The following NPAS3 variants were observed in gnomAD, a reference collection of about 807,000 sequenced individuals.
The protein encoded by NPAS3 is neuronal PAS domain-containing protein 3.
NPAS3 carries 14 observed loss-of-function variants against 73.1 expected under a neutral mutation model. The ratio of observed to expected loss-of-function variants is 0.19; its 90% confidence interval spans 0.13 to 0.30. The LOEUF (loss-of-function observed/expected upper bound fraction) is 0.30. Ranked by LOEUF, NPAS3 falls within the 10% of genes least tolerant of loss-of-function variation. NPAS3 has a pLI of 1.00. For missense variants in NPAS3, 1,096 were observed against 1,250.0 expected (o/e 0.88, Z 1.86); for synonymous variants, 620 against 541.5 (o/e 1.14, Z -2.01).
chr14:33,389,423 C>T lies in NPAS3; in HGVS notation c.468+22155C>T, dbSNP rs2046906157. Among the ~76,000 whole-genome samples, 4 of 152,152 alleles carry T rather than the reference C, an allele frequency of 2.6e-5. No homozygotes were observed. In the South Asian group the frequency reaches 8.3e-4, roughly 31 times the overall value. On this transcript the variant is annotated intron_variant, in intron 4 of 11. Transcript: ENST00000356141. ...TAATTCACTAGTCTTCCTAATCACC[C>T]TCAAAATATTTATGTTATTAGAAAC...
intron 2 of NPAS3, among the ~76,000 whole-genome samples, chr14:33,073,645 A>T (rs2041560993): frequency 6.6e-6 from 1 of 152,238 alleles, no homozygotes; most frequent in Non-Finnish European, 1.5e-5. Flanking sequence ...TACATGACAA[A>T]CAAAAGATGG....
intron 5 of NPAS3, among the ~76,000 whole-genome samples, chr14:33,609,227 G>A (rs975422133): frequency 4.6e-5 from 7 of 152,124 alleles, no homozygotes; most frequent in African/African-American, 1.4e-4. Flanking sequence ...TAATGGTATT[G>A]ACCACATTTA....
chr14:33,739,935 C>T (rs759974217), intron 7 of NPAS3, among the ~76,000 whole-genome samples: 16 of 152,150 alleles, frequency 1.1e-4, no homozygotes, highest in Non-Finnish European at 2.2e-4. Context: ...TCTTACTCAA[C>T]CAGTATGGCC....
At chr14:33,558,959 C>T (rs554430950) in intron 4 of NPAS3, among the ~76,000 whole-genome samples, 11 of 151,598 alleles carry the variant, frequency 7.3e-5, no homozygotes, top group Non-Finnish European at 1.2e-4. Context: ...AAAAGACATG[C>T]GGATGACAGA....
intron 1 of NPAS3, among the ~76,000 whole-genome samples, chr14:33,002,913 C>G (rs1020323481): frequency 7.2e-5 from 11 of 152,200 alleles, no homozygotes; most frequent in African/African-American, 2.4e-4. Context: ...GGGTTTGTGA[C>G]CTTGGGCAAG....
At chr14:33,018,640 AC>A (rs35317713) in intron 1 of NPAS3, among the ~76,000 whole-genome samples, 11,072 of 127,868 alleles carry the variant, frequency 0.087, 514 homozygotes, top group Admixed American at 0.19. Context: ...TAGAACATAA[AC>A]AAGTTGAAAG....
chr14:33,614,186 G>T (rs137900010), intron 5 of NPAS3, among the ~76,000 whole-genome samples: 1 of 152,164 alleles, frequency 6.6e-6, no homozygotes, highest in African/African-American at 2.4e-5. Flanking sequence ...TTCAACCAGT[G>T]GAAGTTATTC....
rs370513765 is a variant in NPAS3 at position 33,185,758 on chromosome 14, C to T, written c.141-29424C>T. Among the ~76,000 whole-genome samples the T allele has an allele frequency of 6.3e-4, 96 of 152,206 alleles. 2 individuals carry two copies. The highest frequency in any genetic ancestry group is 4.4e-3 in the South Asian group (21 of 4,816). The stretch of plus-strand genomic sequence containing the variant: ...GGAAAATCTTCAGAAGAGAGCCACT[C>T]GGGAACTGAAGATGTTCTTTTTGGT... On this transcript the variant is annotated intron_variant, in intron 2 of 11. Transcript: ENST00000356141.
Position 33,606,247 on chromosome 14 carries a change from C to G in NPAS3, c.558+46037C>G, listed in dbSNP as rs1174240293. Among the ~76,000 whole-genome samples the G allele has an allele frequency of 3.0e-5, 4 of 135,170 alleles. No individual in the cohort carries two copies. The Admixed American group carries it at 3.1e-4, about 11-fold the overall frequency. 88.7% of individuals were successfully genotyped at this position (135,170 alleles called of 152,430 possible). On this transcript the variant is annotated intron_variant, in intron 5 of 11. Coordinates refer to ENST00000356141, the Ensembl canonical transcript of NPAS3. ...CCTCCCCCCACCCCACAACATTCCC[C>G]AGAGTGTGATGTTCCCCTTCCTGTG... is the stretch of plus-strand genomic sequence containing the variant.
At chr14:33,011,095 A>G (rs954290846) in intron 1 of NPAS3, among the ~76,000 whole-genome samples, 8 of 152,216 alleles carry the variant, frequency 5.3e-5, no homozygotes, top group African/African-American at 1.9e-4. Context: ...GATGTTTGCA[A>G]AAGTGAAACT....
chr14:32,995,055 A>G (rs1272703745), intron 1 of NPAS3, among the ~76,000 whole-genome samples: 1 of 152,218 alleles, frequency 6.6e-6, no homozygotes, highest in Non-Finnish European at 1.5e-5. Flanking sequence ...TATAAAGAAG[A>G]CAGGAAAGAA....
chr14:33,627,026 G>A lies in NPAS3; in HGVS notation c.559-49185G>A, dbSNP rs1373602210. 4.0e-5 allele frequency among the ~76,000 whole-genome samples: 6 copies of A among 150,548 alleles called. No individual in the cohort carries two copies. The South Asian group carries it at 8.4e-4, about 21-fold the overall frequency. The stretch of plus-strand genomic sequence containing the variant: ...ATTTGAGTATTATATATATTTATAC[G>A]TATATATATATATGCATTATTGTCA... On this transcript the variant is annotated intron_variant, in intron 5 of 11. Coordinates refer to ENST00000356141, the Ensembl canonical transcript of NPAS3.
At chr14:33,292,525 T>G (rs2042142135) in intron 3 of NPAS3, among the ~76,000 whole-genome samples, 1 of 152,182 alleles carries the variant, frequency 6.6e-6, no homozygotes, top group African/African-American at 2.4e-5. Context: ...CTCAGATATT[T>G]TTATTTTAAA....
At chr14:33,114,731 A>T (rs551661343) in intron 2 of NPAS3, among the ~76,000 whole-genome samples, 6 of 152,116 alleles carry the variant, frequency 3.9e-5, no homozygotes, top group Non-Finnish European at 8.8e-5. Context: ...TATTGACGAG[A>T]TCCAGTTTGA....
At chr14:33,025,765 A>T (rs1959173) in intron 1 of NPAS3, among the ~76,000 whole-genome samples, 76,445 of 151,948 alleles carry the variant, frequency 0.5, 22,411 homozygotes, top group African/African-American at 0.82. Flanking sequence ...CATATGAAGA[A>T]GTGCTTGCTT....
chr14:33,602,609 C>G (rs1567044988), intron 5 of NPAS3, among the ~76,000 whole-genome samples: 1 of 152,138 alleles, frequency 6.6e-6, no homozygotes, highest in Non-Finnish European at 1.5e-5. Context: ...TGCTCTGCCT[C>G]TTCTATATGT....
intron 4 of NPAS3, among the ~76,000 whole-genome samples, chr14:33,449,603 CCACA>C (rs1231945454): frequency 1.3e-5 from 2 of 151,510 alleles, no homozygotes; most frequent in Non-Finnish European, 2.9e-5. Context: ...ACACAGACAC[CCACA>C]CACACATATA....
chr14:33,612,403 A>G, intron 5 of NPAS3: 1 of 455,938 alleles, frequency 2.2e-6, no homozygotes. Context: ...TACCCTCCAC[A>G]GGCACAGACA....
In NPAS3 at chr14:33,300,706, G is replaced by T. The variant is rs11627967; in HGVS notation, c.386-66480G>T. ...GGGAGAGGCTCTGCATTGCGGGTGA[G>T]GGGTGGAGTCTCCTTTTGTAGGGGA... On this transcript the variant is annotated intron_variant, in intron 3 of 11. Coordinates refer to ENST00000356141, the Ensembl canonical transcript of NPAS3. Among the ~76,000 whole-genome samples the T allele has an allele frequency of 5.3e-3, 804 of 152,272 alleles. 6 individuals carry two copies. The highest frequency in any genetic ancestry group is 7.2e-3 in the Non-Finnish European group (488 of 68,006).
Sources: gnomAD v4.1 joint callset for allele counts (sites outside exome capture counted in the v4.1 genomes callset) on GRCh38, gnomAD v4.1.1 for gene constraint, MANE v1.5 for transcripts, NCBI Gene and HGNC (gene_info 2026-07-23, HGNC 2026-07-21) for gene names.